Variants in C9 observed in about 807,000 individuals in gnomAD.
C9 encodes the protein complement component C9.
Under a neutral mutation model 65.4 loss-of-function variants are expected in C9, and 63 were observed. That is an observed-to-expected ratio of 0.96 (90% confidence interval 0.79 to 1.19). The LOEUF is 1.19. C9 is among the 50% of genes most tolerant of loss of function. The pLI is 0.00. For missense variants in C9, 744 were observed against 670.1 expected (o/e 1.11, Z -1.22); for synonymous variants, 229 against 227.9 (o/e 1.00, Z -0.04).
chr5:39,358,701 C>T (rs1009554708), intron 1 of C9, among the ~76,000 whole-genome samples: 7 of 151,854 alleles, frequency 4.6e-5, no homozygotes, highest in African/African-American at 1.7e-4. Context: ...AAAGATAGTA[C>T]CGGGCCGGGC....
At chr5:39,289,775 C>T (rs1185011653) in intron 9 of C9, among the ~76,000 whole-genome samples, 2 of 151,612 alleles carry the variant, frequency 1.3e-5, no homozygotes, top group Non-Finnish European at 2.9e-5. Context: ...GAGGTAACTA[C>T]GATGAACTAA....
intron 1 of C9, among the ~76,000 whole-genome samples, chr5:39,346,152 G>A (rs1422777699): frequency 6.6e-6 from 1 of 152,024 alleles, no homozygotes; most frequent in African/African-American, 2.4e-5. Flanking sequence ...CTAGCAGAAG[G>A]CAAGAAATAA....
At chr5:39,299,739 G>A (rs908859789) in intron 9 of C9, among the ~76,000 whole-genome samples, 2 of 151,974 alleles carry the variant, frequency 1.3e-5, no homozygotes, top group Admixed American at 6.6e-5. Context: ...TGGTTTTCAT[G>A]GTGGTTTCAT....
intron 4 of C9, among the ~76,000 whole-genome samples, chr5:39,332,111 C>G (rs1219871951): frequency 6.6e-6 from 1 of 152,170 alleles, no homozygotes; most frequent in East Asian, 1.9e-4. Context: ...GGAGTTTTAA[C>G]TTCACTGCTG....
intron 5 of C9, among the ~76,000 whole-genome samples, chr5:39,319,307 T>C (rs1753626405): frequency 6.6e-6 from 1 of 152,230 alleles, no homozygotes; most frequent in African/African-American, 2.4e-5. Flanking sequence ...CCTTTGACTC[T>C]AGTTACATCC....
chr5:39,302,382 T>C, intron 9 of C9, among the ~76,000 whole-genome samples: 1 of 152,112 alleles, frequency 6.6e-6, no homozygotes, highest in Admixed American at 6.6e-5. Flanking sequence ...GATAATATAG[T>C]TTAATAATAA....
rs762067946 is a variant in C9 at position 39,288,995 on chromosome 5, A to G, written c.1417-44T>C. ...TTTAATTTTAGGTCCTTTTTAACTG[A>G]GAGAACTTGTAGAATACACTTTACT... On this transcript the variant is annotated intron_variant, in intron 9 of 10. Transcript: ENST00000263408. 2.9e-6 allele frequency: 3 copies of G among 1,040,658 alleles called. No homozygotes were observed. In the Admixed American group the frequency reaches 5.1e-5, roughly 18 times the overall value. The allele number at this position is 1,040,658 out of a possible 1,614,324, so 64.5% of individuals were successfully genotyped here.
intron 6 of C9, among the ~76,000 whole-genome samples, chr5:39,312,841 T>C (rs1330547795): frequency 2.0e-5 from 3 of 152,220 alleles, no homozygotes; most frequent in African/African-American, 7.2e-5. Flanking sequence ...GTCTGTCTTC[T>C]TAAAGCACAT....
chr5:39,339,491 G>T (rs1754030024), intron 4 of C9, among the ~76,000 whole-genome samples: 1 of 152,016 alleles, frequency 6.6e-6, no homozygotes, highest in South Asian at 2.1e-4. Flanking sequence ...TAGTAACTTT[G>T]TGTAGGGTTT....
intron 1 of C9, among the ~76,000 whole-genome samples, chr5:39,342,658 C>G (rs1754110711): frequency 6.6e-6 from 1 of 152,150 alleles, no homozygotes; most frequent in Admixed American, 6.5e-5. Flanking sequence ...CCAGCCAGCC[C>G]AGGCCCAGCC....
intron 1 of C9, among the ~76,000 whole-genome samples, chr5:39,359,015 AAAAT>A (rs775723714): frequency 0.049 from 1,887 of 38,758 alleles, 28 homozygotes; most frequent in African/African-American, 0.075. Context: ...AAATAAATAA[AAAAT>A]ATATATATAT....
chr5:39,329,891 G>A (rs116623779), intron 5 of C9, among the ~76,000 whole-genome samples: 4,563 of 152,264 alleles, frequency 0.03, 214 homozygotes, highest in African/African-American at 0.1. Flanking sequence ...TTCCCCTCAT[G>A]TAAGTTTGTG....
At position 39,315,866 on chromosome 5, in the gene C9, G is replaced by A. The variant is rs1410725800; in HGVS notation, c.779C>T (p.Ser260Phe). The change falls in exon 6 of 11, where the codon TCC (serine) becomes TTC (phenylalanine). Residue 260 changes from serine to phenylalanine, a missense_variant. Coordinates refer to ENST00000263408, the MANE Select transcript of C9 (RefSeq NM_001737.5). Reference sequence around the variant, plus strand: ...ACCCTTGCCATGTAAAGAAATTGAGGAGGCTGTTTCCTCACAACATTGTTC... The same window carrying A: ...ACCCTTGCCATGTAAAGAAATTGAGAAGGCTGTTTCCTCACAACATTGTTC... ...KAEQCCEETA[S>F]SISLHGKGSF... is the part of the protein sequence containing the mutation. 8 of 1,612,658 alleles carry A rather than the reference G, an allele frequency of 5.0e-6. No homozygotes were observed. The highest frequency in any genetic ancestry group is 1.1e-5 in the South Asian group (1 of 91,054).
intron 3 of C9, 50 bp from the exon 4 acceptor site, chr5:39,341,343 CTT>C: frequency 6.2e-7 from 1 of 1,605,112 alleles, no homozygotes; most frequent in Non-Finnish European, 8.5e-7. Flanking sequence ...CAAATTTTCT[CTT>C]TCTTTCTGAA....
intron 4 of C9, among the ~76,000 whole-genome samples, chr5:39,340,499 T>C (rs982515876): frequency 3.9e-5 from 6 of 152,226 alleles, no homozygotes; most frequent in African/African-American, 1.4e-4. Flanking sequence ...TCTCTGCATA[T>C]AGTCTCTATT....
intron 9 of C9, among the ~76,000 whole-genome samples, chr5:39,290,076 T>C (rs142924791): frequency 4.2e-4 from 64 of 151,916 alleles, no homozygotes; most frequent in African/African-American, 1.5e-3. Flanking sequence ...AGCTGAGATT[T>C]GAAGGTGTCA....
chr5:39,286,915 AAG>A (rs932058758), intron 10 of C9, among the ~76,000 whole-genome samples: 1 of 152,022 alleles, frequency 6.6e-6, no homozygotes, highest in African/African-American at 2.4e-5. Flanking sequence ...TTTATATTGT[AAG>A]AGATGAAAAT....
chr5:39,295,752 C>T (rs918565111), intron 9 of C9, among the ~76,000 whole-genome samples: 1 of 151,498 alleles, frequency 6.6e-6, no homozygotes, highest in Admixed American at 6.6e-5. Flanking sequence ...AAAAACAAAG[C>T]TAGGAGTATC....
chr5:39,362,597 TA>T (rs1390023964), intron 1 of C9, among the ~76,000 whole-genome samples: 5 of 152,092 alleles, frequency 3.3e-5, no homozygotes, highest in Non-Finnish European at 7.4e-5. Context: ...AGGACATAAA[TA>T]AAACCACATC....
Sources: gnomAD v4.1 joint callset for allele counts (sites outside exome capture counted in the v4.1 genomes callset) on GRCh38, gnomAD v4.1.1 for gene constraint, MANE v1.5 for transcripts, NCBI Gene and HGNC (gene_info 2026-07-23, HGNC 2026-07-21) for gene names.